Variants in PCDH9 observed in about 807,000 individuals in gnomAD.
PCDH9 encodes protocadherin 9, also known as protocadherin-9.
PCDH9 carries 24 observed loss-of-function variants against 70.6 expected under a neutral mutation model. The observed-to-expected ratio is 0.34, with a 90% CI of 0.25 to 0.48. The LOEUF (loss-of-function observed/expected upper bound fraction) is 0.48. Ranked by LOEUF, PCDH9 falls within the 20% of genes least tolerant of loss-of-function variation. The pLI is 0.99. For synonymous variants in PCDH9, 562 were observed against 558.5 expected, an observed-to-expected ratio of 1.01 and a Z score of -0.09; for missense variants, 1,281 against 1,503.6, an observed-to-expected ratio of 0.85 and a Z score of 2.45.
In PCDH9 at chr13:67,016,963, T is replaced by G. The variant is rs1023958142; in HGVS notation, c.3037-113358A>C. Reference sequence around the variant, plus strand: ...CAATGATATTTTCTACTAGGGTTTTTTTTTCCCTCTGAGAGCATTTCTAGC... The same window carrying G: ...CAATGATATTTTCTACTAGGGTTTTGTTTTCCCTCTGAGAGCATTTCTAGC... On this transcript the variant is annotated intron_variant, in intron 2 of 4. Coordinates refer to ENST00000377865, the MANE Select transcript of PCDH9 (RefSeq NM_203487.3). Among the ~76,000 whole-genome samples the G allele has an allele frequency of 7.2e-5, 11 of 152,234 alleles. No individual in the cohort carries two copies. In the South Asian group the frequency reaches 2.3e-3, roughly 32 times the overall value.
chr13:66,644,533 AC>A lies in PCDH9; in HGVS notation c.3139-13123del, dbSNP rs1371481950. Among the ~76,000 whole-genome samples the A allele has an allele frequency of 2.6e-5, 4 of 152,092 alleles. No homozygotes were observed. The East Asian group carries it at 7.7e-4, about 29-fold the overall frequency. On this transcript the variant is annotated intron_variant, in intron 3 of 4. Coordinates refer to ENST00000377865, the MANE Select transcript of PCDH9 (RefSeq NM_203487.3). Reference sequence around the variant, plus strand: ...ATTTTCAAATCATTTAAATGATAGCACTGTTCAATATTATGTTGAATCTTAC... The same window carrying A: ...ATTTTCAAATCATTTAAATGATAGCATGTTCAATATTATGTTGAATCTTAC...
chr13:66,364,087 G>A (rs545860690), intron 4 of PCDH9, among the ~76,000 whole-genome samples: 2 of 152,112 alleles, frequency 1.3e-5, no homozygotes, highest in East Asian at 1.9e-4. Flanking sequence ...CCCAGGAGGC[G>A]GTGGTTGCAG....
At chr13:66,919,179 T>A (rs1855411964) in intron 2 of PCDH9, among the ~76,000 whole-genome samples, 1 of 151,268 alleles carries the variant, frequency 6.6e-6, no homozygotes, top group South Asian at 2.1e-4. Flanking sequence ...TGCATTCAGT[T>A]GTCTGCAATA....
chr13:66,314,297 G>A (rs1955613109), intron 4 of PCDH9, among the ~76,000 whole-genome samples: 1 of 152,178 alleles, frequency 6.6e-6, no homozygotes, highest in Non-Finnish European at 1.5e-5. Context: ...TCACTGGAGA[G>A]TTTTAAGCAC....
chr13:66,849,535 G>GAAAGAGAA (rs1329883676), intron 3 of PCDH9, among the ~76,000 whole-genome samples: 16 of 149,082 alleles, frequency 1.1e-4, no homozygotes, highest in Admixed American at 3.3e-4. Flanking sequence ...GAGAGAGAGA[G>GAAAGAGAA]AGAGAGAGAG....
rs557469878 is a variant in PCDH9 at position 66,611,024 on chromosome 13, A to G, written c.3340+20186T>C. 2.9e-4 allele frequency among the ~76,000 whole-genome samples: 44 copies of G among 152,276 alleles called. No homozygotes were observed. The East Asian group carries it at 5.6e-3, about 19-fold the overall frequency. ...ATTGAAAAATTTAAAAGCTAGTTCA[A>G]GTTTTCTTACATTATTCTTAATGTG... On this transcript the variant is annotated intron_variant, in intron 4 of 4. Transcript: ENST00000377865.
At chr13:66,956,843 C>G (rs2083272286) in intron 2 of PCDH9, among the ~76,000 whole-genome samples, 1 of 152,122 alleles carries the variant, frequency 6.6e-6, no homozygotes, top group South Asian at 2.1e-4. Context: ...TCGCACTCCA[C>G]CCACTTCTTC....
intron 4 of PCDH9, among the ~76,000 whole-genome samples, chr13:66,533,336 G>A (rs548705504): frequency 1.3e-5 from 2 of 152,028 alleles, no homozygotes; most frequent in Admixed American, 6.6e-5. Context: ...TGCTTTTCTA[G>A]TCTCTCATAT....
At chr13:66,696,826 G>T (rs1390783452) in intron 3 of PCDH9, among the ~76,000 whole-genome samples, 2 of 146,866 alleles carry the variant, frequency 1.4e-5, no homozygotes, top group East Asian at 4.0e-4. Context: ...AGGTGACCAG[G>T]TGTAGTGGCT....
intron 3 of PCDH9, among the ~76,000 whole-genome samples, chr13:66,705,073 A>G (rs2078694210): frequency 6.6e-6 from 1 of 152,132 alleles, no homozygotes; most frequent in African/African-American, 2.4e-5. Context: ...TCTATCCAGT[A>G]AGCAGTTGTT....
chr13:66,998,198 G>T (rs572579209), intron 2 of PCDH9, among the ~76,000 whole-genome samples: 1 of 152,122 alleles, frequency 6.6e-6, no homozygotes, highest in African/African-American at 2.4e-5. Flanking sequence ...AATGTGCCAG[G>T]GCCCGAGGAA....
intron 2 of PCDH9, among the ~76,000 whole-genome samples, chr13:67,039,151 G>C (rs2085063949): frequency 6.6e-6 from 1 of 152,146 alleles, no homozygotes; most frequent in South Asian, 2.1e-4. Flanking sequence ...GATCCTTCTG[G>C]AATTGGAACT....
At chr13:67,150,475 C>G (rs1177737407) in intron 2 of PCDH9, among the ~76,000 whole-genome samples, 2 of 152,160 alleles carry the variant, frequency 1.3e-5, no homozygotes, top group East Asian at 3.8e-4. Context: ...GGATGGAAAA[C>G]TAGGACATCT....
At position 66,721,595 on chromosome 13, in the gene PCDH9, C is replaced by T. The variant is rs552824954; in HGVS notation, c.3139-90184G>A. On this transcript the variant is annotated intron_variant, in intron 3 of 4. Transcript: ENST00000377865. ...ACTCATGTTCATCCACAACCATATCCTGACTCATATAAAAACACCTGGAAT... is the reference window on the plus strand; with the variant it reads ...ACTCATGTTCATCCACAACCATATCTTGACTCATATAAAAACACCTGGAAT... Among the ~76,000 whole-genome samples the T allele has an allele frequency of 2.6e-5, 4 of 152,184 alleles. No individual in the cohort carries two copies. In the East Asian group the frequency reaches 7.7e-4, roughly 29 times the overall value.
chr13:66,639,113 TAA>T, intron 3 of PCDH9, among the ~76,000 whole-genome samples: 1 of 152,318 alleles, frequency 6.6e-6, no homozygotes, highest in East Asian at 1.9e-4. Flanking sequence ...ACTGGCCATT[TAA>T]AGTCAAGCAG....
At chr13:66,400,703 AATTG>A (rs1409981320) in intron 4 of PCDH9, among the ~76,000 whole-genome samples, 2 of 152,230 alleles carry the variant, frequency 1.3e-5, no homozygotes, top group African/African-American at 4.8e-5. Context: ...ATGGAAAAAT[AATTG>A]ATTAAGTCTC....
At chr13:66,468,709 T>A (rs184049807) in intron 4 of PCDH9, among the ~76,000 whole-genome samples, 1 of 152,254 alleles carries the variant, frequency 6.6e-6, no homozygotes, top group East Asian at 1.9e-4. Flanking sequence ...CTTGTGCACC[T>A]CAAATTTATA....
chr13:66,651,377 A>G (rs895842518), intron 3 of PCDH9, among the ~76,000 whole-genome samples: 1 of 151,998 alleles, frequency 6.6e-6, no homozygotes, highest in African/African-American at 2.4e-5. Context: ...ATGAGCAACT[A>G]TGTGCCAATA....
chr13:66,776,215 G>C (rs1186212380), intron 3 of PCDH9, among the ~76,000 whole-genome samples: 2 of 151,240 alleles, frequency 1.3e-5, no homozygotes, highest in Admixed American at 1.3e-4. Flanking sequence ...TTGAAAACTG[G>C]CACAAGACAG....
Sources: allele counts gnomAD v4.1 joint callset (sites outside exome capture counted in the v4.1 genomes callset), GRCh38; gene constraint gnomAD v4.1.1; transcripts MANE v1.5; gene names NCBI Gene and HGNC (gene_info 2026-07-23, HGNC 2026-07-21).